AP4E1: variants seen among roughly 807,000 people sequenced by gnomAD.
The protein encoded by AP4E1 is AP-4 complex subunit epsilon-1.
A neutral mutation model predicts 128.2 loss-of-function variants in AP4E1; 56 were observed. The ratio of observed to expected loss-of-function variants is 0.44; its 90% CI spans 0.35 to 0.55. The LOEUF (loss-of-function observed/expected upper bound fraction) is 0.55. AP4E1 is among the 20% of genes least tolerant of loss of function. The pLI is 0.00. For missense variants in AP4E1, 1,324 were observed against 1,307.7 expected (o/e 1.01, Z -0.19); for synonymous variants, 484 against 473.1 (o/e 1.02, Z -0.30).
intron 14 of AP4E1, among the ~76,000 whole-genome samples, chr15:50,959,083 T>TG (rs1169245872): frequency 1.3e-5 from 2 of 152,022 alleles, no homozygotes; most frequent in Non-Finnish European, 2.9e-5. Context: ...TGGTGGTACA[T>TG]GCCTGTAATC....
intron 16 of AP4E1, 99 bp downstream of exon 16, chr15:50,984,244 T>G: frequency 7.2e-7 from 1 of 1,394,682 alleles, no homozygotes; most frequent in South Asian, 1.2e-5. Context: ...ATCATGGTCA[T>G]TATTTGCTTA....
intron 15 of AP4E1, among the ~76,000 whole-genome samples, chr15:50,983,017 A>G (rs1159219999): frequency 1.3e-5 from 2 of 152,218 alleles, no homozygotes; most frequent in African/African-American, 2.4e-5. Flanking sequence ...AGACTGTTCA[A>G]AATTTGTCAG....
intron 17 of AP4E1, among the ~76,000 whole-genome samples, chr15:50,993,846 C>A (rs1299270431): frequency 6.6e-6 from 1 of 152,198 alleles, no homozygotes; most frequent in East Asian, 1.9e-4. Context: ...CAGGTGTTCT[C>A]TGTAGCCCAG....
chr15:50,917,136 C>T (rs2063639540), intron 3 of AP4E1, among the ~76,000 whole-genome samples: 1 of 151,998 alleles, frequency 6.6e-6, no homozygotes, highest in African/African-American at 2.4e-5. Context: ...GTTTTTTTCT[C>T]TTCTTTGGTT....
chr15:50,912,811 C>G (rs532813237), intron 2 of AP4E1, among the ~76,000 whole-genome samples: 1 of 151,948 alleles, frequency 6.6e-6, no homozygotes, highest in African/African-American at 2.4e-5. Flanking sequence ...TACAGGTGCC[C>G]GCCACCATGC....
intron 16 of AP4E1, 137 bp from the exon 17 acceptor site, chr15:50,993,233 A>G: frequency 1.2e-6 from 1 of 865,522 alleles, no homozygotes. Context: ...TCAAGGTTTT[A>G]CTTCTGGTAT....
chr15:50,913,577 C>A (rs2141128821), intron 2 of AP4E1, among the ~76,000 whole-genome samples: 1 of 152,314 alleles, frequency 6.6e-6, no homozygotes, highest in South Asian at 2.1e-4. Context: ...AAAGAGAATT[C>A]TTGCATTGGG....
chr15:50,954,200 A>G (rs544735492), intron 13 of AP4E1, among the ~76,000 whole-genome samples: 1 of 148,902 alleles, frequency 6.7e-6, no homozygotes, highest in South Asian at 2.1e-4. Context: ...CATGAGGGCT[A>G]TTGGTCTGTA....
intron 16 of AP4E1, among the ~76,000 whole-genome samples, chr15:50,987,882 A>T (rs573326603): frequency 6.6e-6 from 1 of 152,148 alleles, no homozygotes; most frequent in African/African-American, 2.4e-5. Context: ...TATGTTCTTT[A>T]AGAGCTTATC....
intron 5 of AP4E1, among the ~76,000 whole-genome samples, chr15:50,925,633 T>C (rs928519664): frequency 8.9e-5 from 5 of 56,070 alleles, no homozygotes; most frequent in East Asian, 1.3e-3. Flanking sequence ...GGGAAGATGC[T>C]TTTTTTTTTT....
At chr15:50,938,085 T>C (rs539579560) in intron 8 of AP4E1, among the ~76,000 whole-genome samples, 54 of 152,146 alleles carry the variant, frequency 3.5e-4, no homozygotes, top group African/African-American at 1.3e-3. Context: ...ATACTATGTA[T>C]AAGAAACATA....
intron 14 of AP4E1, among the ~76,000 whole-genome samples, chr15:50,965,148 C>T (rs535139313): frequency 1.3e-4 from 20 of 152,116 alleles, no homozygotes; most frequent in African/African-American, 4.8e-4. Flanking sequence ...TCAATGAAAC[C>T]TATTTTTTTT....
intron 18 of AP4E1, among the ~76,000 whole-genome samples, chr15:50,998,835 T>A (rs1321148524): frequency 6.6e-6 from 1 of 152,230 alleles, no homozygotes; most frequent in Non-Finnish European, 1.5e-5. Flanking sequence ...ATTTACAGTT[T>A]TAACTGTAAT....
upstream of AP4E1, among the ~76,000 whole-genome samples, chr15:50,907,515 G>A (rs2063499516): frequency 6.6e-6 from 1 of 151,960 alleles, no homozygotes; most frequent in Admixed American, 6.6e-5. Flanking sequence ...TTGAAGGGAG[G>A]CTATCACCAC....
chr15:50,990,637 C>T (rs186341731), intron 16 of AP4E1, among the ~76,000 whole-genome samples: 1 of 151,588 alleles, frequency 6.6e-6, no homozygotes, highest in African/African-American at 2.4e-5. Context: ...CCGCCTGCCT[C>T]AGCGTCAGTG....
At position 50,950,047 on chromosome 15, in the gene AP4E1, G is replaced by T. The variant is rs373488092; in HGVS notation, c.1430-4G>T. ...ATTAAAATGGTGTATCAATTTCTTT[G>T]TAGGTTTTGATGATGAAACAGAAGA... On this transcript the variant is annotated splice_polypyrimidine_tract_variant and splice_region_variant and intron_variant, in intron 12 of 20. Coordinates refer to ENST00000261842, the MANE Select transcript of AP4E1 (RefSeq NM_007347.5). The T allele has an allele frequency of 5.6e-6, 9 of 1,607,874 alleles. No homozygotes were observed. Among genetic ancestry groups the T allele is most frequent in the African/African-American group, 5.3e-5 (4 of 74,794 alleles).
chr15:50,969,648 T>C (rs1165580949), intron 15 of AP4E1, among the ~76,000 whole-genome samples: 2 of 151,110 alleles, frequency 1.3e-5, no homozygotes, highest in Non-Finnish European at 2.9e-5. Flanking sequence ...GTTGGGAACA[T>C]TCAATATCTT....
chr15:50,923,957 C>A lies in AP4E1; in HGVS notation c.373C>A (p.His125Asn), dbSNP rs370227106. The A allele has an allele frequency of 5.4e-5, 87 of 1,611,762 alleles. No individual in the cohort carries two copies. The highest frequency in any genetic ancestry group is 7.3e-5 in the Non-Finnish European group (86 of 1,178,388). ...VGYLAVSLFL[H>N]ESHELLLLLV... ...TTATTTGGCTGTTTCCTTATTTCTA[C>A]ATGAAAGTCATGAATTATTGCTTCT... is the stretch of plus-strand genomic sequence containing the variant. Residue 125 changes from histidine (H) to asparagine (N), a missense_variant, in exon 4 of 21, where the codon CAT (histidine) becomes AAT (asparagine). His to Asn is a moderately conservative substitution (Grantham distance 68). Coordinates refer to ENST00000261842, the MANE Select transcript of AP4E1 (RefSeq NM_007347.5).
intron 20 of AP4E1, among the ~76,000 whole-genome samples, chr15:51,001,777 C>T (rs2140940220): frequency 6.6e-6 from 1 of 152,300 alleles, no homozygotes; most frequent in South Asian, 2.1e-4. Context: ...AGTAATGCTG[C>T]TATGAACAAG....
Sources: gnomAD v4.1 joint callset for allele counts (sites outside exome capture counted in the v4.1 genomes callset) on GRCh38, gnomAD v4.1.1 for gene constraint, MANE v1.5 for transcripts, NCBI Gene and HGNC (gene_info 2026-07-23, HGNC 2026-07-21) for gene names.